DLGAP2: variants seen among roughly 807,000 people sequenced by gnomAD.
DLGAP2 encodes the protein disks large-associated protein 2.
DLGAP2 carries 26 observed loss-of-function variants against 100.3 expected under a neutral mutation model. That is an observed-to-expected ratio of 0.26 (90% CI 0.19 to 0.36). DLGAP2 has a LOEUF of 0.36. Among genes scored for constraint, DLGAP2 ranks in the 10% least tolerant of loss-of-function variants. The pLI is 1.00. For missense variants in DLGAP2, 1,858 were observed against 1,453.2 expected (o/e 1.28, Z -4.53); for synonymous variants, 886 against 630.1 (o/e 1.41, Z -6.08).
At chr8:1,529,839 G>A (rs1420268264) in intron 4 of DLGAP2, among the ~76,000 whole-genome samples, 1 of 152,164 alleles carries the variant, frequency 6.6e-6, no homozygotes, top group Non-Finnish European at 1.5e-5. Context: ...CATCCGGGGA[G>A]ACATCACATG....
chr8:1,078,120 A>G (rs944323071), intron 2 of DLGAP2, among the ~76,000 whole-genome samples: 1 of 152,134 alleles, frequency 6.6e-6, no homozygotes, highest in Non-Finnish European at 1.5e-5. Context: ...AGGGATGGTG[A>G]GTCCCTTCCC....
chr8:883,369 G>C (rs1274433033), intron 1 of DLGAP2: 1 of 152,166 alleles, frequency 6.6e-6, no homozygotes, highest in African/African-American at 2.4e-5. Flanking sequence ...GCCTACATTG[G>C]CCTAGGGACA....
intron 3 of DLGAP2, among the ~76,000 whole-genome samples, chr8:1,420,515 C>A (rs1202543615): frequency 2.0e-5 from 3 of 152,182 alleles, no homozygotes; most frequent in Non-Finnish European, 2.9e-5. Flanking sequence ...CAACTCTATG[C>A]ATGTCACTAT....
At chr8:1,074,984 A>G (rs982545533) in intron 2 of DLGAP2, among the ~76,000 whole-genome samples, 2 of 149,680 alleles carry the variant, frequency 1.3e-5, no homozygotes, top group African/African-American at 2.5e-5. Flanking sequence ...AGTGGTGACC[A>G]TGTCTCACCA....
intron 2 of DLGAP2, among the ~76,000 whole-genome samples, chr8:994,755 C>T (rs1326573302): frequency 2.0e-5 from 3 of 152,134 alleles, no homozygotes; most frequent in African/African-American, 7.2e-5. Flanking sequence ...AGTTACAGGT[C>T]AGACCTGCTC....
intron 3 of DLGAP2, among the ~76,000 whole-genome samples, chr8:1,464,267 C>CAGCAACCTTCTA (rs1798549111): frequency 1.9e-5 from 2 of 103,438 alleles, no homozygotes; most frequent in East Asian, 3.2e-4. Context: ...CCTTCCAGGA[C>CAGCAACCTTCTA]GGCACCCTTC....
intron 4 of DLGAP2, among the ~76,000 whole-genome samples, chr8:1,534,813 A>T (rs1044639254): frequency 1.3e-5 from 2 of 152,078 alleles, no homozygotes; most frequent in African/African-American, 4.8e-5. Context: ...TGTGCGCGTG[A>T]TGTGTGTGCG....
At chr8:1,451,104 T>G (rs1192903769) in intron 3 of DLGAP2, among the ~76,000 whole-genome samples, 1 of 152,092 alleles carries the variant, frequency 6.6e-6, no homozygotes, top group Non-Finnish European at 1.5e-5. Flanking sequence ...ACTTAGTGGA[T>G]TCCCGTTCTG....
At chr8:1,254,063 G>A (rs527652765) in intron 2 of DLGAP2, among the ~76,000 whole-genome samples, 1 of 152,338 alleles carries the variant, frequency 6.6e-6, no homozygotes, top group Non-Finnish European at 1.5e-5. Context: ...GAGGCTTCCA[G>A]TCCCTCCTGG....
chr8:817,140 CAAAAAAA>C (rs35157533), intron 1 of DLGAP2, among the ~76,000 whole-genome samples: 1 of 115,084 alleles, frequency 8.7e-6, no homozygotes. Context: ...GACTCCGTCT[CAAAAAAA>C]AAAAAAAAAA....
Position 832,669 on chromosome 8 carries a change from A to T in DLGAP2, c.19-75243A>T, listed in dbSNP as rs1002951456. On this transcript the variant is annotated intron_variant, in intron 1 of 14. Transcript: ENST00000637795. The stretch of plus-strand genomic sequence containing the variant: ...TTTTGCACTGATTTTTTTGATAAAC[A>T]CTTATGTTAAAGCTTTATTTCCCTT... Among the ~76,000 whole-genome samples, 6 of 152,186 alleles carry T rather than the reference A, an allele frequency of 3.9e-5. No individual in the cohort carries two copies. In the East Asian group the frequency reaches 9.6e-4, roughly 24 times the overall value.
At chr8:1,069,553 A>T (rs997128127) in intron 2 of DLGAP2, among the ~76,000 whole-genome samples, 1 of 152,148 alleles carries the variant, frequency 6.6e-6, no homozygotes, top group African/African-American at 2.4e-5. Flanking sequence ...TGCACATCCG[A>T]GAGTCCGAGC....
intron 1 of DLGAP2, among the ~76,000 whole-genome samples, chr8:830,953 T>C (rs1293495958): frequency 6.7e-6 from 1 of 148,882 alleles, no homozygotes; most frequent in Non-Finnish European, 1.5e-5. Flanking sequence ...TGGAGGGCAG[T>C]GGCACAATCT....
rs563308452 is a variant in DLGAP2 at position 1,569,748 on chromosome 8, G to A, written c.1442+3854G>A. Among the ~76,000 whole-genome samples, 95 of 152,362 alleles carry A rather than the reference G, an allele frequency of 6.2e-4. 1 individual carries two copies. In the South Asian group the frequency reaches 0.016, roughly 26 times the overall value. Reference sequence around the variant, plus strand: ...GCACAAGCCACCAAGGCTCTCAGCTGAAGGTAGCTCAGCCCCAAGCCCCGT... The same window carrying A: ...GCACAAGCCACCAAGGCTCTCAGCTAAAGGTAGCTCAGCCCCAAGCCCCGT... On this transcript the variant is annotated intron_variant, in intron 6 of 14. Coordinates refer to ENST00000637795, the MANE Select transcript of DLGAP2 (RefSeq NM_001346810.2).
At chr8:1,072,522 G>T (rs1190762329) in intron 2 of DLGAP2, among the ~76,000 whole-genome samples, 8 of 152,154 alleles carry the variant, frequency 5.3e-5, no homozygotes, top group Non-Finnish European at 1.5e-5. Flanking sequence ...TTTCACCGCA[G>T]CGTTTCTCCC....
intron 2 of DLGAP2, among the ~76,000 whole-genome samples, chr8:1,222,117 G>C (rs995784504): frequency 1.3e-5 from 2 of 152,140 alleles, no homozygotes; most frequent in African/African-American, 4.8e-5. Flanking sequence ...AACATTGCCG[G>C]GGAGCTAGAG....
Position 1,170,038 on chromosome 8 carries a change from T to C in DLGAP2, c.74-88813T>C, listed in dbSNP as rs546814912. ...GTGGGTTTGTCATAGATAGCTCTTA[T>C]TATTTTGAGATACGTCCCATCAATA... On this transcript the variant is annotated intron_variant, in intron 2 of 14. Coordinates refer to ENST00000637795, the MANE Select transcript of DLGAP2 (RefSeq NM_001346810.2). 2.8e-3 allele frequency among the ~76,000 whole-genome samples: 423 copies of C among 152,030 alleles called. 4 individuals are homozygous for C. Among genetic ancestry groups the C allele is most frequent in the Non-Finnish European group, 4.0e-3 (273 of 67,896 alleles).
chr8:1,537,782 GA>G (rs1474664932), intron 4 of DLGAP2, among the ~76,000 whole-genome samples: 2 of 145,740 alleles, frequency 1.4e-5, no homozygotes, highest in African/African-American at 5.0e-5. Context: ...AGGAAGGAAG[GA>G]AGGACAAATG....
intron 3 of DLGAP2, among the ~76,000 whole-genome samples, chr8:1,436,846 T>C (rs1460954656): frequency 1.3e-5 from 2 of 152,230 alleles, no homozygotes; most frequent in African/African-American, 2.4e-5. Context: ...TTTAACCTTT[T>C]GTACCATATT....
Sources: gnomAD v4.1 joint callset for allele counts (sites outside exome capture counted in the v4.1 genomes callset) on GRCh38, gnomAD v4.1.1 for gene constraint, MANE v1.5 for transcripts, NCBI Gene and HGNC (gene_info 2026-07-23, HGNC 2026-07-21) for gene names.